The following KIF6 variants were observed in gnomAD, a reference collection of about 807,000 sequenced individuals.
KIF6 encodes the protein kinesin-like protein KIF6.
In KIF6, 106 loss-of-function variants were observed where a neutral mutation model predicts 112.7. That is an observed-to-expected ratio of 0.94 (90% CI 0.80 to 1.11). KIF6 has a LOEUF of 1.11. KIF6 is among the 50% of genes least tolerant of loss of function. The pLI is 0.00. For missense variants in KIF6, 929 were observed against 964.0 expected (o/e 0.96, Z 0.48); for synonymous variants, 339 against 339.9 (o/e 1.00, Z 0.03).
In KIF6 at chr6:39,377,861, GCTTGTT is replaced by G. The variant is rs374767875; in HGVS notation, c.1861+7755_1861+7760del. Among the ~76,000 whole-genome samples, 845 of 152,226 alleles carry G rather than the reference GCTTGTT, an allele frequency of 5.6e-3. 14 individuals are homozygous for G. The highest frequency in any genetic ancestry group is 0.019 in the African/African-American group (806 of 41,520). On this transcript the variant is annotated intron_variant, in intron 16 of 22. Transcript: ENST00000287152. ...CTCCACGTGGCATCACAGTCGAATG[GCTTGTT>G]CTTGGGGGCTGCTTTTGTTCAAGGA...
intron 16 of KIF6, among the ~76,000 whole-genome samples, chr6:39,368,304 T>G (rs538300924): frequency 2.6e-5 from 4 of 152,156 alleles, no homozygotes; most frequent in Non-Finnish European, 5.9e-5. Context: ...TGTATTGTCT[T>G]GTATAATCTA....
At chr6:39,639,808 T>C in intron 3 of KIF6, 51 bp from the exon 4 acceptor site, 1 of 1,493,890 alleles carries the variant, frequency 6.7e-7, no homozygotes, top group Non-Finnish European at 9.2e-7. Flanking sequence ...TAACTGCATA[T>C]GAATTAAATG....
chr6:39,553,012 T>C (rs564843452), intron 10 of KIF6, among the ~76,000 whole-genome samples: 11 of 152,320 alleles, frequency 7.2e-5, no homozygotes, highest in African/African-American at 2.6e-4. Flanking sequence ...GGGTCATTAG[T>C]TTCATGTTTG....
At position 39,526,123 on chromosome 6, in the gene KIF6, C is replaced by T. The variant is rs536972331; in HGVS notation, c.1645+13880G>A. ...GGCAGACCTCCCTTCTAGTCATTTC[C>T]CTGCTGTCACTGGCTACTTGGATAC... is the stretch of plus-strand genomic sequence containing the variant. On this transcript the variant is annotated intron_variant, in intron 13 of 22. Transcript: ENST00000287152. Among the ~76,000 whole-genome samples the T allele has an allele frequency of 2.3e-4, 35 of 152,270 alleles. No homozygotes were observed. In the South Asian group the frequency reaches 7.0e-3, roughly 31 times the overall value.
intron 13 of KIF6, among the ~76,000 whole-genome samples, chr6:39,455,714 G>A (rs1335241974): frequency 3.3e-5 from 5 of 151,694 alleles, no homozygotes; most frequent in Non-Finnish European, 5.9e-5. Context: ...CGAGAACTAC[G>A]TGAAGAATGC....
At chr6:39,443,652 C>T (rs1294881493) in intron 13 of KIF6, among the ~76,000 whole-genome samples, 1 of 151,986 alleles carries the variant, frequency 6.6e-6, no homozygotes, top group African/African-American at 2.4e-5. Context: ...CCATGTTGGC[C>T]AGACTGTTCT....
At chr6:39,505,145 A>T (rs1776357263) in intron 13 of KIF6, among the ~76,000 whole-genome samples, 1 of 152,354 alleles carries the variant, frequency 6.6e-6, no homozygotes, top group Middle Eastern at 3.4e-3. Context: ...CTGGTACAAG[A>T]ACAGACACAT....
At chr6:39,497,837 T>G (rs1775880998) in intron 13 of KIF6, among the ~76,000 whole-genome samples, 1 of 152,260 alleles carries the variant, frequency 6.6e-6, no homozygotes. Flanking sequence ...CCACTTCATG[T>G]TTCTGTAAGT....
chr6:39,704,255 G>A (rs116445991), intron 3 of KIF6, among the ~76,000 whole-genome samples: 1,753 of 152,220 alleles, frequency 0.012, 17 homozygotes, highest in Non-Finnish European at 0.019. Flanking sequence ...TGATTTTCAC[G>A]TACAGCTCAT....
chr6:39,648,654 C>T (rs11751235), intron 3 of KIF6, among the ~76,000 whole-genome samples: 2,987 of 152,280 alleles, frequency 0.02, 53 homozygotes, highest in Non-Finnish European at 0.029. Context: ...GGATCAACTG[C>T]TTCCTAAAGG....
intron 15 of KIF6, among the ~76,000 whole-genome samples, chr6:39,394,582 G>A (rs1012331265): frequency 1.3e-5 from 2 of 152,186 alleles, no homozygotes; most frequent in African/African-American, 2.4e-5. Context: ...GGCCAGGGGT[G>A]GGGGCACCTC....
intron 3 of KIF6, among the ~76,000 whole-genome samples, chr6:39,682,105 G>A (rs1787553987): frequency 6.6e-6 from 1 of 152,158 alleles, no homozygotes; most frequent in South Asian, 2.1e-4. Flanking sequence ...AAAGAACCAT[G>A]TTCTCATGGA....
At chr6:39,460,535 G>GAAAAAAAAAAA (rs1491244154) in intron 13 of KIF6, among the ~76,000 whole-genome samples, 1 of 31,618 alleles carries the variant, frequency 3.2e-5, no homozygotes, top group Admixed American at 2.9e-4. Context: ...AAAAAAAAAA[G>GAAAAAAAAAAA]TAAAAAAAAA....
intron 13 of KIF6, among the ~76,000 whole-genome samples, chr6:39,452,194 G>A (rs545711718): frequency 6.6e-6 from 1 of 151,304 alleles, no homozygotes; most frequent in South Asian, 2.1e-4. Context: ...GGCCCCAATT[G>A]CCCTCATCTG....
intron 3 of KIF6, among the ~76,000 whole-genome samples, chr6:39,688,303 G>A (rs1787989988): frequency 6.6e-6 from 1 of 152,154 alleles, no homozygotes; most frequent in South Asian, 2.1e-4. Flanking sequence ...ACAGCAGATG[G>A]AGAAGGGAAG....
At chr6:39,508,673 T>C (rs1245252774) in intron 13 of KIF6, among the ~76,000 whole-genome samples, 4 of 152,108 alleles carry the variant, frequency 2.6e-5, no homozygotes, top group Non-Finnish European at 4.4e-5. Context: ...GCTTCCGCCA[T>C]TGATGAGGCT....
At chr6:39,470,494 A>T (rs1169030561) in intron 13 of KIF6, among the ~76,000 whole-genome samples, 4 of 152,212 alleles carry the variant, frequency 2.6e-5, no homozygotes, top group African/African-American at 9.6e-5. Context: ...GAAATCTGCC[A>T]GTTGACTGTC....
chr6:39,676,379 T>C (rs989120024), intron 3 of KIF6, among the ~76,000 whole-genome samples: 1 of 152,062 alleles, frequency 6.6e-6, no homozygotes, highest in African/African-American at 2.4e-5. Flanking sequence ...CCAGCTAATA[T>C]GTAAATCAAA....
In KIF6 at chr6:39,343,861, C is replaced by T; in HGVS notation, c.2322-46G>A. On this transcript the variant is annotated intron_variant, in intron 21 of 22. Transcript: ENST00000287152. The surrounding 1 kb of genome is among the most constrained non-coding windows in gnomAD (Gnocchi z 4.1). ...CATTTTACTACACTTTACAACTGGA[C>T]TCACCACTTATATTTCCAAAATGCT... The T allele has an allele frequency of 1.8e-6, 2 of 1,132,602 alleles. No homozygotes were observed. Among genetic ancestry groups the T allele is most frequent in the Non-Finnish European group, 2.6e-6 (2 of 778,016 alleles). 70.2% of individuals were successfully genotyped at this position (1,132,602 alleles called of 1,614,324 possible). A position where few individuals can be genotyped will look rare whatever the true frequency, so the allele number is the denominator to read the frequency against.
Sources: gnomAD v4.1 joint callset for allele counts (sites outside exome capture counted in the v4.1 genomes callset) on GRCh38, gnomAD v4.1.1 for gene constraint, Gnocchi (gnomAD v3.1) non-coding constraint, MANE v1.5 for transcripts, NCBI Gene and HGNC (gene_info 2026-07-23, HGNC 2026-07-21) for gene names.